Variants in TMPRSS13 observed in about 807,000 individuals in gnomAD.
TMPRSS13 encodes the protein transmembrane protease serine 13.
In TMPRSS13, 50 loss-of-function variants were observed where a neutral mutation model predicts 68.4. The ratio of observed to expected loss-of-function variants is 0.73; its 90% CI spans 0.58 to 0.93. The LOEUF (loss-of-function observed/expected upper bound fraction) is 0.93, where lower values mean the gene tolerates loss of function less well. Ranked by LOEUF, TMPRSS13 falls within the 40% of genes least tolerant of loss-of-function variation. The probability of loss-of-function intolerance (pLI) is 0.00; values close to 1 mark genes in which losing one functional copy is unlikely to be tolerated. For synonymous variants in TMPRSS13, 267 were observed against 285.8 expected (o/e 0.93, Z 0.66); for missense variants, 615 against 729.2 (o/e 0.84, Z 1.80).
rs1193363009 is a variant in TMPRSS13 at position 117,918,945 on chromosome 11, G to A, written c.22-107C>T. 1.2e-5 allele frequency: 17 copies of A among 1,459,760 alleles called. No individual in the cohort carries two copies. In the South Asian group the frequency reaches 1.9e-4, roughly 16 times the overall value. 90.4% of individuals were successfully genotyped at this position (1,459,760 alleles called of 1,614,324 possible). ...GAATGCTCTGGGGCAGCAGCTAGGG[G>A]TTGAGCAAAGCCCCCCGGACAAGGA... On this transcript the variant is annotated intron_variant, in intron 1 of 12. Transcript: ENST00000524993.
At position 117,918,780 on chromosome 11, in the gene TMPRSS13, G is replaced by T; in HGVS notation, c.80C>A (p.Ala27Asp). The T allele has an allele frequency of 6.2e-7, 1 of 1,613,672 alleles. No homozygotes were observed. The highest frequency in any genetic ancestry group is 8.5e-7 in the Non-Finnish European group (1 of 1,179,784). The change falls in exon 2 of 13, where the codon GCT becomes GAT. Residue 27 changes from alanine (A) to aspartate (D), a missense_variant. Physicochemically the swap from Ala to Asp is moderately radical, Grantham distance 126 (BLOSUM62 -2). Transcript: ENST00000524993. ...AGATGCCCGGCCTGGAGGTGTCCCA[G>T]CTGGAGATGCCTGGGCTGGAGATGC... ...AGASPAQASP[A>D]GTPPGRASPA...
chr11:117,908,193 C>A, intron 9 of TMPRSS13: 1 of 570,718 alleles, frequency 1.8e-6, no homozygotes, highest in East Asian at 3.5e-5. Context: ...TGTAAAGCTC[C>A]ATTTCCTCAT....
intron 3 of TMPRSS13, among the ~76,000 whole-genome samples, chr11:117,916,761 C>A (rs1039344160): frequency 6.6e-6 from 1 of 152,104 alleles, no homozygotes; most frequent in Non-Finnish European, 1.5e-5. Context: ...AGATTTTGTT[C>A]CAGGAATTGT....
chr11:117,912,679 C>T (rs1315441975), intron 5 of TMPRSS13, among the ~76,000 whole-genome samples: 2 of 152,346 alleles, frequency 1.3e-5, no homozygotes, highest in African/African-American at 4.8e-5. Context: ...TAGGCACCCT[C>T]TCCACTGTAT....
intron 1 of TMPRSS13, among the ~76,000 whole-genome samples, chr11:117,927,936 C>T (rs1242981253): frequency 6.6e-6 from 1 of 152,180 alleles, no homozygotes; most frequent in African/African-American, 2.4e-5. Context: ...GTTCTCTGTC[C>T]TGTATCCCTC....
At chr11:117,909,045 C>T (rs1433658573) in intron 8 of TMPRSS13, among the ~76,000 whole-genome samples, 1 of 152,136 alleles carries the variant, frequency 6.6e-6, no homozygotes, top group Non-Finnish European at 1.5e-5. Flanking sequence ...GTGGCACTCC[C>T]CCCCCACTAT....
intron 2 of TMPRSS13, 50 bp from the exon 3 acceptor site, chr11:117,917,324 C>T (rs766438436): frequency 2.4e-5 from 35 of 1,443,982 alleles, no homozygotes; most frequent in African/African-American, 4.2e-5. Context: ...AGGAGTCCGA[C>T]GAGATGGAGA....
At chr11:117,917,570 G>A (rs1232588019) in intron 2 of TMPRSS13, among the ~76,000 whole-genome samples, 1 of 152,196 alleles carries the variant, frequency 6.6e-6, no homozygotes, top group Non-Finnish European at 1.5e-5. Context: ...GCAACCTCAT[G>A]AGCAGAGTCT....
intron 1 of TMPRSS13, among the ~76,000 whole-genome samples, chr11:117,924,614 GCCTGTTGGGAA>G (rs139387453): frequency 0.079 from 12,069 of 152,158 alleles, 1,571 homozygotes; most frequent in African/African-American, 0.27. Flanking sequence ...AACCCTCCTT[GCCTGTTGGGAA>G]CCTGGGGAGC....
intron 5 of TMPRSS13, among the ~76,000 whole-genome samples, chr11:117,912,087 C>T (rs915680737): frequency 2.0e-5 from 3 of 152,162 alleles, no homozygotes; most frequent in African/African-American, 7.2e-5. Context: ...AGATCCCCAG[C>T]CCTATGCACT....
chr11:117,903,062 A>G (rs755245209), intron 12 of TMPRSS13: 12 of 1,089,008 alleles, frequency 1.1e-5, no homozygotes, highest in Non-Finnish European at 1.3e-5. Flanking sequence ...TTATTTTATT[A>G]CTTTATACTC....
At chr11:117,928,490 G>A (rs1204304282) in intron 1 of TMPRSS13, among the ~76,000 whole-genome samples, 3 of 152,166 alleles carry the variant, frequency 2.0e-5, no homozygotes, top group African/African-American at 7.2e-5. Context: ...GCTCTACCAT[G>A]TCGGTAAGGT....
intron 5 of TMPRSS13, 141 bp downstream of exon 5, chr11:117,913,636 G>A (rs995960690): frequency 1.4e-5 from 14 of 1,030,868 alleles, no homozygotes; most frequent in African/African-American, 6.4e-5. Context: ...TGAACACCTC[G>A]AGGGTGTCCA....
intron 6 of TMPRSS13, among the ~76,000 whole-genome samples, chr11:117,911,013 G>C (rs1175519930): frequency 2.6e-5 from 4 of 152,140 alleles, no homozygotes; most frequent in Non-Finnish European, 5.9e-5. Flanking sequence ...GCAGACATTG[G>C]CCCAGATCCA....
chr11:117,920,279 G>C (rs985860052), intron 1 of TMPRSS13, among the ~76,000 whole-genome samples: 2 of 152,130 alleles, frequency 1.3e-5, no homozygotes, highest in Non-Finnish European at 2.9e-5. Context: ...CCTGTAAAAC[G>C]CCCAATACAC....
intron 1 of TMPRSS13, among the ~76,000 whole-genome samples, chr11:117,927,843 CT>C (rs1565357065): frequency 6.6e-6 from 1 of 152,158 alleles, no homozygotes; most frequent in Non-Finnish European, 1.5e-5. Context: ...TTTGGACAAT[CT>C]TTTTTTCAGA....
Position 117,903,746 on chromosome 11 carries a change from G to C in TMPRSS13, c.1586C>G (p.Thr529Ser), listed in dbSNP as rs1001618890. The change falls in exon 12 of 13, where the codon ACC (threonine) becomes AGC (serine). Residue 529 changes from threonine (T) to serine (S), a missense_variant. Physicochemically the swap from Thr to Ser is moderately conservative, Grantham distance 58 (BLOSUM62 1). Transcript: ENST00000524993. ...QNNRWYLAGV[T>S]SWGTGCGQRN... The stretch of plus-strand genomic sequence containing the variant: ...CTGGCCACAGCCTGTGCCCCAGCTG[G>C]TGACACCTGCCAGGTACCAGCGGTT... 2 of 1,613,176 alleles carry C rather than the reference G, an allele frequency of 1.2e-6. No individual in the cohort carries two copies. The highest frequency in any genetic ancestry group is 2.7e-5 in the African/African-American group (2 of 75,046).
rs35251396 is a variant in TMPRSS13 at position 117,929,318 on chromosome 11, G to C, written c.-11C>G. ...GCTGTCCCTCTCCATGGTCTCTGAGGGGAAGAGTCCTCCAGGCTTAGCTGA... is the reference window on the plus strand; with the variant it reads ...GCTGTCCCTCTCCATGGTCTCTGAGCGGAAGAGTCCTCCAGGCTTAGCTGA... On this transcript the variant is annotated 5_prime_UTR_variant, in exon 1 of 13. Coordinates refer to ENST00000524993, the MANE Select transcript of TMPRSS13 (RefSeq NM_001077263.3). 3 of 1,604,428 alleles carry C rather than the reference G, an allele frequency of 1.9e-6. No individual in the cohort carries two copies. Among genetic ancestry groups the C allele is most frequent in the Admixed American group, 1.7e-5 (1 of 58,688 alleles).
rs769305036 is a variant in TMPRSS13, at chr11:117,910,735, G to A, written c.918C>T (p.Ser306=). Residue 306 remains serine (S), a synonymous_variant, in exon 7 of 13, where the codon TCC becomes TCT. Coordinates refer to ENST00000524993, the MANE Select transcript of TMPRSS13 (RefSeq NM_001077263.3). The part of the protein sequence containing the change: ...QESLHRSECP[S]QRYISLQCSH... ...AACACTGGAGAGAGATATACCGCTG[G>A]GAAGGGCATTCAGACCTGCAGGGGG... 4 of 1,608,828 alleles carry A rather than the reference G, an allele frequency of 2.5e-6. No homozygotes were observed. Among genetic ancestry groups the A allele is most frequent in the South Asian group, 2.2e-5 (2 of 90,114 alleles).
Sources: allele counts gnomAD v4.1 joint callset (sites outside exome capture counted in the v4.1 genomes callset), GRCh38; gene constraint gnomAD v4.1.1; transcripts MANE v1.5; gene names NCBI Gene and HGNC (gene_info 2026-07-23, HGNC 2026-07-21).